AAMDC: variants seen among roughly 807,000 people sequenced by gnomAD.
AAMDC encodes the protein adipogenesis associated Mth938 domain containing.
AAMDC carries 16 observed loss-of-function variants against 15.5 expected under a neutral mutation model. The observed-to-expected ratio is 1.03, with a 90% confidence interval of 0.70 to 1.57. The LOEUF (loss-of-function observed/expected upper bound fraction) is 1.57. Ranked by LOEUF, AAMDC falls within the 40% of genes most tolerant of loss-of-function variation. The pLI is 0.00. For synonymous variants in AAMDC, 51 were observed against 51.6 expected, an observed-to-expected ratio of 0.99 and a Z score of 0.05; for missense variants, 141 against 144.9, an observed-to-expected ratio of 0.97 and a Z score of 0.14.
intron 2 of AAMDC, among the ~76,000 whole-genome samples, chr11:77,854,710 T>C (rs986813319): frequency 6.6e-6 from 1 of 152,132 alleles, no homozygotes; most frequent in African/African-American, 2.4e-5. Context: ...TCCAGGTGCA[T>C]GGTGCAAGCC....
chr11:77,898,003 G>C (rs1286421756), intron 5 of AAMDC, among the ~76,000 whole-genome samples: 3 of 151,986 alleles, frequency 2.0e-5, no homozygotes, highest in African/African-American at 7.2e-5. Context: ...TTTAGAGACA[G>C]GGTCTCATTA....
downstream of AAMDC, among the ~76,000 whole-genome samples, chr11:77,877,238 A>G (rs1219546119): frequency 1.4e-5 from 2 of 142,310 alleles, no homozygotes; most frequent in South Asian, 2.2e-4. Flanking sequence ...TAAAATGAAG[A>G]TAACAGTACC....
chr11:77,861,016 C>G (rs1950854302), intron 2 of AAMDC, among the ~76,000 whole-genome samples: 1 of 152,050 alleles, frequency 6.6e-6, no homozygotes, highest in African/African-American at 2.4e-5. Context: ...TTTCTTGAGT[C>G]CTTGTTGGGC....
chr11:77,855,286 C>G (rs939102867), intron 2 of AAMDC: 1 of 152,186 alleles, frequency 6.6e-6, no homozygotes, highest in African/African-American at 2.4e-5. Context: ...ATTTCTACAG[C>G]TGGCTTGAAT....
intron 1 of AAMDC, among the ~76,000 whole-genome samples, chr11:77,821,868 A>G (rs528932397): frequency 6.6e-6 from 1 of 152,284 alleles, no homozygotes; most frequent in South Asian, 2.1e-4. Context: ...CCTGAGTCCT[A>G]GCGGGGCTAC....
intron 5 of AAMDC, chr11:77,883,875 G>C: frequency 6.2e-7 from 1 of 1,613,010 alleles, no homozygotes; most frequent in Non-Finnish European, 8.5e-7. Flanking sequence ...TGATGAGCCG[G>C]TGCCGCCCTG....
At chr11:77,900,416 A>C (rs1248331318) in intron 5 of AAMDC, among the ~76,000 whole-genome samples, 3 of 152,186 alleles carry the variant, frequency 2.0e-5, no homozygotes, top group Non-Finnish European at 4.4e-5. Context: ...AATATCTTTA[A>C]GATTAAATGA....
chr11:77,878,762 T>C (rs1356716749), intron 5 of AAMDC: 1 of 694,538 alleles, frequency 1.4e-6, no homozygotes, highest in Non-Finnish European at 2.6e-6. Flanking sequence ...GAAGGGTAAG[T>C]AGACTTGAAG....
At chr11:77,892,599 T>C (rs978746226) in intron 5 of AAMDC, among the ~76,000 whole-genome samples, 1 of 152,202 alleles carries the variant, frequency 6.6e-6, no homozygotes, top group African/African-American at 2.4e-5. Flanking sequence ...AATTTTCTTT[T>C]TGAGAAGGAG....
At chr11:77,869,995 C>A in intron 3 of AAMDC, 178 bp downstream of exon 3, 1 of 498,128 alleles carries the variant, frequency 2.0e-6, no homozygotes, top group East Asian at 3.3e-5. Flanking sequence ...GCTCTCCAGT[C>A]TACCTAACCC....
intron 1 of AAMDC, among the ~76,000 whole-genome samples, chr11:77,838,748 C>T (rs1245019789): frequency 2.0e-5 from 3 of 151,584 alleles, no homozygotes; most frequent in Non-Finnish European, 1.5e-5. Flanking sequence ...TCTCGAGTAG[C>T]TGAGACTACA....
intron 5 of AAMDC, chr11:77,891,853 A>G (rs1952283954): frequency 6.2e-7 from 1 of 1,610,748 alleles, no homozygotes. Flanking sequence ...GGAGGAACAA[A>G]CAGAAGCAAC....
chr11:77,891,504 A>G (rs1952264312), intron 5 of AAMDC: 2 of 1,608,592 alleles, frequency 1.2e-6, no homozygotes, highest in Admixed American at 3.4e-5. Flanking sequence ...AAGCCAGGTC[A>G]TTCCTGGATG....
At chr11:77,868,499 C>T (rs1022332771) in intron 2 of AAMDC, among the ~76,000 whole-genome samples, 1 of 151,722 alleles carries the variant, frequency 6.6e-6, no homozygotes, top group African/African-American at 2.4e-5. Flanking sequence ...GCTGGGACTA[C>T]AGGCACGCGC....
Position 77,869,749 on chromosome 11 carries a change from G to A in AAMDC, c.160G>A (p.Val54Met). The A allele has an allele frequency of 6.2e-7, 1 of 1,614,016 alleles. No individual in the cohort carries two copies. Among genetic ancestry groups the A allele is most frequent in the Middle Eastern group, 1.6e-4 (1 of 6,062 alleles). Residue 54 changes from valine to methionine, a missense_variant, in exon 3 of 4, where the codon GTG (valine) becomes ATG (methionine). Val to Met is a conservative substitution (Grantham distance 21). Transcript: ENST00000393427. ...EHSPGVQPAD[V>M]KEVVEKGVQT... ...TTCTCCTGGTGTGCAGCCTGCAGAT[G>A]TGAAGGAAGTTGTTGAGAAGGGTGT...
intron 5 of AAMDC, among the ~76,000 whole-genome samples, chr11:77,895,638 A>G (rs1952485606): frequency 1.3e-5 from 2 of 151,356 alleles, no homozygotes; most frequent in African/African-American, 2.4e-5. Context: ...ACCAAACACC[A>G]CAAGGAGTGA....
At chr11:77,900,931 T>C, downstream of AAMDC, 1 of 407,984 alleles carries the variant, frequency 2.5e-6, no homozygotes, top group South Asian at 3.5e-5. Flanking sequence ...ATTTTCATTT[T>C]GTACAGGGAA....
chr11:77,872,373 C>T (rs745307773), downstream of AAMDC: 12 of 1,543,800 alleles, frequency 7.8e-6, no homozygotes, highest in Middle Eastern at 1.8e-4. Context: ...TGTCACTCAC[C>T]ATTCTCCAAA....
chr11:77,842,150 TTTATA>T (rs1320655684), intron 1 of AAMDC, among the ~76,000 whole-genome samples: 37 of 152,300 alleles, frequency 2.4e-4, no homozygotes, highest in African/African-American at 7.9e-4. Flanking sequence ...TTTTTCTAGC[TTTATA>T]GTTTCTTCTT....
Sources: allele counts gnomAD v4.1 joint callset (sites outside exome capture counted in the v4.1 genomes callset), GRCh38; gene constraint gnomAD v4.1.1; transcripts MANE v1.5; gene names NCBI Gene and HGNC (gene_info 2026-07-23, HGNC 2026-07-21).